GTF2E1: variants seen among roughly 807,000 people sequenced by gnomAD.
The protein encoded by GTF2E1 is general transcription factor IIE subunit 1, also known as TFIIE alpha subunit.
A neutral mutation model predicts 34.9 loss-of-function variants in GTF2E1; 14 were observed. The ratio of observed to expected loss-of-function variants is 0.40; its 90% CI spans 0.27 to 0.63. The LOEUF (loss-of-function observed/expected upper bound fraction) is 0.63, where lower values mean the gene tolerates loss of function less well. GTF2E1 is among the 20% of genes least tolerant of loss of function. The probability of loss-of-function intolerance (pLI) is 0.39; values close to 1 mark genes in which losing one functional copy is unlikely to be tolerated. For missense variants in GTF2E1, 469 were observed against 557.7 expected (o/e 0.84, Z 1.60); for synonymous variants, 188 against 192.9 (o/e 0.97, Z 0.21).
At chr3:120,766,333 T>C (rs866491798) in intron 2 of GTF2E1, among the ~76,000 whole-genome samples, 12 of 152,292 alleles carry the variant, frequency 7.9e-5, no homozygotes, top group Middle Eastern at 3.4e-3. Flanking sequence ...TATGTAAATA[T>C]TAGTTTTCAT....
intron 3 of GTF2E1, among the ~76,000 whole-genome samples, chr3:120,775,473 A>G (rs192519116): frequency 7.9e-5 from 12 of 152,312 alleles, no homozygotes; most frequent in Admixed American, 7.8e-4. Context: ...TAGAAGTTGA[A>G]GTGGAAAGCA....
At chr3:120,776,273 C>CT in intron 3 of GTF2E1, 150 bp from the exon 4 acceptor site, 1 of 693,838 alleles carries the variant, frequency 1.4e-6, no homozygotes, top group Non-Finnish European at 2.4e-6. Context: ...TATAGAAGCA[C>CT]TTTCTTGGAA....
chr3:120,767,255 A>G lies in GTF2E1; in HGVS notation c.449-3473A>G, dbSNP rs142760262. ...GACTGACTGCTTTTTTTCCTGGACTATCATTTTCAAGGATGTTTATATAAC... is the reference window on the plus strand; with the variant it reads ...GACTGACTGCTTTTTTTCCTGGACTGTCATTTTCAAGGATGTTTATATAAC... On this transcript the variant is annotated intron_variant, in intron 2 of 4. Transcript: ENST00000283875. Among the ~76,000 whole-genome samples, 8 of 152,220 alleles carry G rather than the reference A, an allele frequency of 5.3e-5. No individual in the cohort carries two copies. In the East Asian group the frequency reaches 7.7e-4, roughly 15 times the overall value.
At chr3:120,763,620 T>C (rs752735857) in intron 2 of GTF2E1, among the ~76,000 whole-genome samples, 2 of 152,212 alleles carry the variant, frequency 1.3e-5, no homozygotes, top group African/African-American at 2.4e-5. Context: ...TGAAATGTCT[T>C]TTGTTTTTTT....
chr3:120,781,490 C>T lies in GTF2E1; in HGVS notation c.*20C>T, dbSNP rs747568702. The T allele has an allele frequency of 3.2e-6, 5 of 1,585,590 alleles. No individual in the cohort carries two copies. Among genetic ancestry groups the T allele is most frequent in the Non-Finnish European group, 4.3e-6 (5 of 1,155,672 alleles). On this transcript the variant is annotated 3_prime_UTR_variant, in exon 5 of 5. Coordinates refer to ENST00000283875, the MANE Select transcript of GTF2E1 (RefSeq NM_005513.3). ...GAGTGAGCTTTCCCTAATTCTTTCTCCTTTCTCTAATGCTCAGTTCAAAAA... is the reference window on the plus strand; with the variant it reads ...GAGTGAGCTTTCCCTAATTCTTTCTTCTTTCTCTAATGCTCAGTTCAAAAA...
intron 3 of GTF2E1, among the ~76,000 whole-genome samples, chr3:120,773,382 G>T (rs1709368597): frequency 6.6e-6 from 1 of 152,086 alleles, no homozygotes; most frequent in Non-Finnish European, 1.5e-5. Flanking sequence ...ACTCAGAGAT[G>T]ATAGCTTTTC....
At chr3:120,760,237 A>G (rs929670204) in intron 2 of GTF2E1, among the ~76,000 whole-genome samples, 3 of 151,812 alleles carry the variant, frequency 2.0e-5, no homozygotes, top group African/African-American at 7.3e-5. Flanking sequence ...TCTGTTTATT[A>G]TTGGTGTGTA....
At chr3:120,760,775 C>A (rs141361314) in intron 2 of GTF2E1, among the ~76,000 whole-genome samples, 5,660 of 152,050 alleles carry the variant, frequency 0.037, 266 homozygotes, top group African/African-American at 0.11. Context: ...GCGATGAAGC[C>A]GACTTGATCT....
In GTF2E1 at chr3:120,781,175, C is replaced by A. The variant is rs1040734332; in HGVS notation, c.1025C>A (p.Ala342Glu). The A allele has an allele frequency of 1.9e-6, 3 of 1,613,998 alleles. No homozygotes were observed. The African/African-American group carries it at 4.0e-5, about 22-fold the overall frequency. ...TSSAMAGSVG[A>E]AAPVTAANGS... Reference sequence around the variant, plus strand: ...TCTGCCATGGCTGGTTCAGTGGGGGCAGCTGCTCCAGTGACCGCTGCCAAT... The same window carrying A: ...TCTGCCATGGCTGGTTCAGTGGGGGAAGCTGCTCCAGTGACCGCTGCCAAT... The change falls in exon 5 of 5, where the codon GCA (alanine) becomes GAA (glutamate). Residue 342 changes from alanine (A) to glutamate (E), a missense_variant. By Grantham distance (107) the Ala-to-Glu change is moderately radical. Coordinates refer to ENST00000283875, the MANE Select transcript of GTF2E1 (RefSeq NM_005513.3).
intron 1 of GTF2E1, among the ~76,000 whole-genome samples, chr3:120,745,149 A>G (rs1324331770): frequency 2.0e-5 from 3 of 152,092 alleles, no homozygotes; most frequent in Non-Finnish European, 4.4e-5. Flanking sequence ...CAGTCCCCCA[A>G]CCTTGGCCTC....
chr3:120,779,705 T>C (rs1283370253), intron 4 of GTF2E1, among the ~76,000 whole-genome samples: 1 of 152,204 alleles, frequency 6.6e-6, no homozygotes, highest in Non-Finnish European at 1.5e-5. Flanking sequence ...CTATTCTAAG[T>C]GCCAGGCCCA....
chr3:120,776,033 T>C (rs1176523928), intron 3 of GTF2E1, among the ~76,000 whole-genome samples: 2 of 152,242 alleles, frequency 1.3e-5, no homozygotes, highest in African/African-American at 4.8e-5. Flanking sequence ...CAATGTGTTT[T>C]GTTTTTGTTT....
intron 2 of GTF2E1, among the ~76,000 whole-genome samples, chr3:120,768,844 C>G (rs1001316738): frequency 6.6e-6 from 1 of 152,214 alleles, no homozygotes; most frequent in Non-Finnish European, 1.5e-5. Flanking sequence ...AAGGTTGCTT[C>G]TTACCCTTTG....
In GTF2E1 at chr3:120,781,116, G is replaced by A; in HGVS notation, c.966G>A (p.Met322Ile). The A allele has an allele frequency of 6.2e-7, 1 of 1,614,062 alleles. No homozygotes were observed. Among genetic ancestry groups the A allele is most frequent in the Non-Finnish European group, 8.5e-7 (1 of 1,179,936 alleles). Reference sequence around the variant, plus strand: ...GGCCTGATGACAACGAAGAGGTCATGCGAGCACTGCTCATTCACGAGAAAA... The same window carrying A: ...GGCCTGATGACAACGAAGAGGTCATACGAGCACTGCTCATTCACGAGAAAA... ...HAGPDDNEEV[M>I]RALLIHEKKT... Residue 322 changes from methionine to isoleucine, a missense_variant, in exon 5 of 5, where the codon ATG becomes ATA. By Grantham distance (10) the Met-to-Ile change is conservative. Coordinates refer to ENST00000283875, the MANE Select transcript of GTF2E1 (RefSeq NM_005513.3).
intron 1 of GTF2E1, among the ~76,000 whole-genome samples, chr3:120,747,043 T>TA (rs1275276427): frequency 1.3e-5 from 2 of 152,018 alleles, no homozygotes; most frequent in Non-Finnish European, 2.9e-5. Context: ...ATTACACAGT[T>TA]ACCAAAACAC....
chr3:120,746,760 C>G (rs552415992), intron 1 of GTF2E1, among the ~76,000 whole-genome samples: 1 of 152,066 alleles, frequency 6.6e-6, no homozygotes, highest in African/African-American at 2.4e-5. Flanking sequence ...GTCACACCAC[C>G]GAACTCTAGT....
intron 1 of GTF2E1, among the ~76,000 whole-genome samples, chr3:120,748,660 A>G (rs1178856634): frequency 6.6e-6 from 1 of 152,134 alleles, no homozygotes; most frequent in African/African-American, 2.4e-5. Flanking sequence ...GTAGCCTTGT[A>G]GTATAGTTTG....
intron 3 of GTF2E1, among the ~76,000 whole-genome samples, chr3:120,771,141 CA>C (rs1709347451): frequency 6.6e-6 from 1 of 151,988 alleles, no homozygotes; most frequent in South Asian, 2.1e-4. Flanking sequence ...GGACTTCAGG[CA>C]AAAATCTTTA....
chr3:120,778,568 G>C (rs1027829183), intron 4 of GTF2E1, among the ~76,000 whole-genome samples: 1 of 152,034 alleles, frequency 6.6e-6, no homozygotes, highest in Non-Finnish European at 1.5e-5. Context: ...ACCTCCTACA[G>C]TTTTTGTTTA....
Sources: gnomAD v4.1 joint callset for allele counts (sites outside exome capture counted in the v4.1 genomes callset) on GRCh38, gnomAD v4.1.1 for gene constraint, MANE v1.5 for transcripts, NCBI Gene and HGNC (gene_info 2026-07-23, HGNC 2026-07-21) for gene names.